The following KCNAB2 variants were observed in gnomAD, a reference collection of about 807,000 sequenced individuals.
The protein encoded by KCNAB2 is potassium voltage-gated channel subfamily A regulatory beta subunit 2.
In KCNAB2, 29 loss-of-function variants were observed where a neutral mutation model predicts 63.6. The observed-to-expected ratio is 0.46, with a 90% CI of 0.34 to 0.62. The LOEUF (loss-of-function observed/expected upper bound fraction) is 0.62. KCNAB2 is among the 20% of genes least tolerant of loss of function. KCNAB2 has a pLI of 0.01. For missense variants in KCNAB2, 359 were observed against 563.9 expected (o/e 0.64, Z 3.68); for synonymous variants, 222 against 224.2 (o/e 0.99, Z 0.09).
At chr1:6,048,466 T>C (rs1661120194) in intron 1 of KCNAB2, among the ~76,000 whole-genome samples, 1 of 152,188 alleles carries the variant, frequency 6.6e-6, no homozygotes, top group Non-Finnish European at 1.5e-5. Flanking sequence ...TCAAGGTGCC[T>C]GCCTGGGCCA....
In KCNAB2 at chr1:6,073,883, C is replaced by A; in HGVS notation, c.300+113C>A. ...GTGCTCCCGGGAGCCAGCGCAGCAGCCTCCCTCCCTCTTTCTGTTTTGTGA... is the reference window on the plus strand; with the variant it reads ...GTGCTCCCGGGAGCCAGCGCAGCAGACTCCCTCCCTCTTTCTGTTTTGTGA... On this transcript the variant is annotated intron_variant, in intron 4 of 15. Coordinates refer to ENST00000378083, the MANE Select transcript of KCNAB2 (RefSeq NM_001199862.2). The surrounding 1 kb of genome is among the most constrained non-coding windows in gnomAD (Gnocchi z 5.7). 1 of 1,071,842 alleles carries A rather than the reference C, an allele frequency of 9.3e-7. No individual in the cohort carries two copies. The highest frequency in any genetic ancestry group is 1.4e-6 in the Non-Finnish European group (1 of 699,368). 66.4% of individuals were successfully genotyped at this position (1,071,842 alleles called of 1,614,324 possible).
chr1:6,054,486 C>T (rs539059536), intron 2 of KCNAB2, among the ~76,000 whole-genome samples: 1 of 152,222 alleles, frequency 6.6e-6, no homozygotes, highest in South Asian at 2.1e-4. Flanking sequence ...AAAAATTAAC[C>T]AGTCGTGGTG....
intron 1 of KCNAB2, among the ~76,000 whole-genome samples, chr1:6,050,582 A>G (rs1661300915): frequency 6.6e-6 from 1 of 152,110 alleles, no homozygotes; most frequent in South Asian, 2.1e-4. Context: ...GGGCTCACTC[A>G]CTCACTATGT....
intron 1 of KCNAB2, among the ~76,000 whole-genome samples, chr1:6,050,532 C>T (rs1357789890): frequency 2.6e-5 from 4 of 152,242 alleles, no homozygotes; most frequent in South Asian, 2.1e-4. Flanking sequence ...TCTGGACACA[C>T]GCTTTCTCCC....
intron 2 of KCNAB2, among the ~76,000 whole-genome samples, chr1:6,066,920 C>G (rs1662804451): frequency 6.6e-6 from 1 of 152,224 alleles, no homozygotes. Flanking sequence ...GCTCAGCCCC[C>G]ATCTGGCTCC....
rs1571112192 is a variant in KCNAB2, at chr1:6,096,331, T to C, written c.949-305T>C. 4.4e-5 allele frequency: 20 copies of C among 454,518 alleles called. No individual in the cohort carries two copies. The East Asian group carries it at 9.0e-4, about 20-fold the overall frequency. The allele number at this position is 454,518 out of a possible 1,614,324, so 28.2% of individuals were successfully genotyped here. A position where few individuals can be genotyped will look rare whatever the true frequency, so the allele number is the denominator to read the frequency against. ...CAGCCGAGACCCCAGGCTGCCAAGT[T>C]TCCTAAGAGAAGGAAGGCCAGCACC... is the stretch of plus-strand genomic sequence containing the variant. On this transcript the variant is annotated intron_variant, in intron 13 of 15. Coordinates refer to ENST00000378083, the MANE Select transcript of KCNAB2 (RefSeq NM_001199862.2). The surrounding 1 kb of genome is among the most constrained non-coding windows in gnomAD (Gnocchi z 5.9).
At chr1:6,018,939 T>C (rs1405333891) in intron 1 of KCNAB2, 1 of 152,252 alleles carries the variant, frequency 6.6e-6, no homozygotes, top group African/African-American at 2.4e-5. Flanking sequence ...TTGGGAACTT[T>C]ATATAAATTT....
In KCNAB2 at chr1:6,069,949, G is replaced by C. The variant is rs569102545; in HGVS notation, c.219-2806G>C. ...GCCCATTTCCCAACACTCAGACCAGGAACAGATATGGAATCAGGGGCAGGG... is the reference window on the plus strand; with the variant it reads ...GCCCATTTCCCAACACTCAGACCAGCAACAGATATGGAATCAGGGGCAGGG... On this transcript the variant is annotated intron_variant, in intron 2 of 15. Transcript: ENST00000378083. The surrounding 1 kb of genome is among the most constrained non-coding windows in gnomAD (Gnocchi z 5.4). Among the ~76,000 whole-genome samples, 1 of 152,122 alleles carries C rather than the reference G, an allele frequency of 6.6e-6. No individual in the cohort carries two copies. Among genetic ancestry groups the C allele is most frequent in the Non-Finnish European group, 1.5e-5 (1 of 68,018 alleles).
intron 2 of KCNAB2, among the ~76,000 whole-genome samples, chr1:6,066,245 A>C (rs1279621696): frequency 3.3e-5 from 5 of 152,164 alleles, no homozygotes; most frequent in African/African-American, 4.8e-5. Context: ...TGCCGGTGAC[A>C]CCAGCGTGAA....
At chr1:6,032,584 A>G (rs11587114), upstream of KCNAB2, among the ~76,000 whole-genome samples, 2,885 of 150,354 alleles carry the variant, frequency 0.019, 32 homozygotes, top group Non-Finnish European at 0.028. Context: ...AAAAAAAAAA[A>G]AGAGAGAGAG....
rs1378751648 is a variant in KCNAB2, at chr1:6,051,744, A to G, written c.208A>G (p.Met70Val). The G allele has an allele frequency of 6.5e-7, 1 of 1,531,518 alleles. No individual in the cohort carries two copies. The highest frequency in any genetic ancestry group is 1.4e-5 in the African/African-American group (1 of 72,950). The allele number at this position is 1,531,518 out of a possible 1,614,324, so 94.9% of individuals were successfully genotyped here. Residue 70 changes from methionine to valine, a missense_variant, in exon 2 of 16, where the codon ATG becomes GTG. Transcript: ENST00000378083. ...CGGCTGCACCGCCCAGCGCACAGGC[A>G]TGAAGTATCGGTAAGGGCCGGGCAG... ...LDGCTAQRTGMKYRNLGKSGL... is the reference protein window; with the variant it reads ...LDGCTAQRTGVKYRNLGKSGL...
In KCNAB2 at chr1:6,069,574, G is replaced by A. The variant is rs1179938640; in HGVS notation, c.219-3181G>A. On this transcript the variant is annotated intron_variant, in intron 2 of 15. Transcript: ENST00000378083. The surrounding 1 kb of genome is among the most constrained non-coding windows in gnomAD (Gnocchi z 5.4). ...AGATGTTGACCACCTGCTTCATTAG[G>A]ATGTCAGGTTTCAACGATGGGGAAG... Among the ~76,000 whole-genome samples, 1 of 152,206 alleles carries A rather than the reference G, an allele frequency of 6.6e-6. No homozygotes were observed. Among genetic ancestry groups the A allele is most frequent in the Non-Finnish European group, 1.5e-5 (1 of 68,030 alleles).
intron 1 of KCNAB2, among the ~76,000 whole-genome samples, chr1:6,007,983 G>A (rs958282549): frequency 6.6e-6 from 1 of 152,164 alleles, no homozygotes; most frequent in African/African-American, 2.4e-5. Context: ...GTTCAAAGTG[G>A]CCTGCAGATG....
At chr1:6,089,373 G>T (rs531902451) in intron 8 of KCNAB2, among the ~76,000 whole-genome samples, 2 of 152,364 alleles carry the variant, frequency 1.3e-5, no homozygotes, top group East Asian at 3.9e-4. Flanking sequence ...GTGCAATAGG[G>T]ACAGTAAGAG....
chr1:6,055,085 T>G (rs1277478904), intron 2 of KCNAB2, among the ~76,000 whole-genome samples: 2 of 151,996 alleles, frequency 1.3e-5, no homozygotes, highest in Non-Finnish European at 2.9e-5. Flanking sequence ...CATGAGGGTG[T>G]TTGGAGGGAA....
rs1207362936 is a variant in KCNAB2, at chr1:6,003,857, C to T, written c.-53+11069C>T. On this transcript the variant is annotated intron_variant, in intron 1 of 16. Coordinates refer to the KCNAB2 transcript ENST00000341524. This position sits in a 1 kb window ranked among gnomAD's most constrained non-coding sequence, Gnocchi z 4.1. ...ATGGCTGGCCCCAGCTTGCAGCGGT[C>T]GCTTCTGCATCTCTTTTTATTCAGC... is the stretch of plus-strand genomic sequence containing the variant. 5.3e-5 allele frequency among the ~76,000 whole-genome samples: 8 copies of T among 152,224 alleles called. No individual in the cohort carries two copies. Among genetic ancestry groups the T allele is most frequent in the African/African-American group, 9.6e-5 (4 of 41,460 alleles).
intron 2 of KCNAB2, among the ~76,000 whole-genome samples, chr1:6,063,309 C>T (rs933910759): frequency 7.9e-5 from 12 of 152,048 alleles, no homozygotes; most frequent in Non-Finnish European, 1.5e-5. Flanking sequence ...AAGTGTGAGC[C>T]ACCGTGGATA....
rs1415546106 is a variant in KCNAB2 at position 6,028,790 on chromosome 1, T to G, written c.-52-11727T>G. ...CCTGGTGGCCACTGTCCCCATCGTA[T>G]TAGAGTTGGCCTTTTGAAAGCTGTG... is the stretch of plus-strand genomic sequence containing the variant. On this transcript the variant is annotated intron_variant, in intron 1 of 16. Coordinates refer to the KCNAB2 transcript ENST00000341524. The surrounding 1 kb of genome is among the most constrained non-coding windows in gnomAD (Gnocchi z 4.0). 6.6e-6 allele frequency among the ~76,000 whole-genome samples: 1 copy of G among 152,188 alleles called. No individual in the cohort carries two copies. The highest frequency in any genetic ancestry group is 6.5e-5 in the Admixed American group (1 of 15,286).
At chr1:6,023,708 G>C (rs756711193) in intron 1 of KCNAB2, among the ~76,000 whole-genome samples, 1 of 152,050 alleles carries the variant, frequency 6.6e-6, no homozygotes, top group Non-Finnish European at 1.5e-5. Context: ...ATCAGATATG[G>C]GATTTGCAAG....
Sources: gnomAD v4.1 joint callset for allele counts (sites outside exome capture counted in the v4.1 genomes callset) on GRCh38, gnomAD v4.1.1 for gene constraint, Gnocchi (gnomAD v3.1) non-coding constraint, MANE v1.5 for transcripts, NCBI Gene and HGNC (gene_info 2026-07-23, HGNC 2026-07-21) for gene names.